The following TARBP2 variants were observed in gnomAD, a reference collection of about 807,000 sequenced individuals.
TARBP2 encodes the protein TARBP2 subunit of RISC loading complex, also known as RISC-loading complex subunit TARBP2.
In TARBP2, 23 loss-of-function variants were observed where a neutral mutation model predicts 40.4. The ratio of observed to expected loss-of-function variants is 0.57; its 90% CI spans 0.41 to 0.81. The LOEUF is 0.81. Among genes scored for constraint, TARBP2 ranks in the 30% least tolerant of loss-of-function variants. The probability of loss-of-function intolerance (pLI) is 0.00; values close to 1 mark genes in which losing one functional copy is unlikely to be tolerated. For missense variants in TARBP2, 358 were observed against 473.7 expected (o/e 0.76, Z 2.27); for synonymous variants, 183 against 190.5 (o/e 0.96, Z 0.32).
chr12:53,504,860 C>T (rs761649957), intron 6 of TARBP2, 45 bp downstream of exon 6: 1 of 1,602,702 alleles, frequency 6.2e-7, no homozygotes, highest in Non-Finnish European at 8.5e-7. Flanking sequence ...TCCCGCAGCA[C>T]TCTGGCCCCA....
intron 6 of TARBP2, 110 bp downstream of exon 6, chr12:53,504,925 A>C: frequency 6.8e-7 from 1 of 1,465,806 alleles, no homozygotes; most frequent in Non-Finnish European, 9.4e-7. Context: ...TCTTAGCTTC[A>C]CAGTCCCTAG....
In TARBP2 at chr12:53,506,118, G is replaced by A; in HGVS notation, c.1071G>A (p.Gln357=). The A allele has an allele frequency of 1.2e-6, 2 of 1,614,006 alleles. No individual in the cohort carries two copies. Among genetic ancestry groups the A allele is most frequent in the Non-Finnish European group, 1.7e-6 (2 of 1,179,994 alleles). The stretch of plus-strand genomic sequence containing the variant: ...GTGAGGCTGCCCGCCGTGCCCTGCA[G>A]TACCTCAAGATCATGGCAGGCAGCA... The part of the protein sequence containing the change: ...ARGEAARRAL[Q]YLKIMAGSK The change falls in exon 9 of 9, where the codon CAG becomes CAA. Residue 357 remains glutamine, a synonymous_variant. Coordinates refer to ENST00000266987, the MANE Select transcript of TARBP2 (RefSeq NM_134323.2).
In TARBP2 at chr12:53,505,617, C is replaced by T; in HGVS notation, c.742-32C>T. 6 of 1,599,314 alleles carry T rather than the reference C, an allele frequency of 3.8e-6. No individual in the cohort carries two copies. The highest frequency in any genetic ancestry group is 5.1e-6 in the Non-Finnish European group (6 of 1,166,842). ...AATGCCTGGGTCCCACAGTCTCTCG[C>T]TTCATCTTTCTCACTGTTCCCATCT... On this transcript the variant is annotated intron_variant, in intron 7 of 8. Transcript: ENST00000266987. The surrounding 1 kb of genome is among the most constrained non-coding windows in gnomAD (Gnocchi z 4.5).
intron 3 of TARBP2, chr12:53,503,371 A>G: frequency 1.2e-6 from 1 of 849,266 alleles, no homozygotes; most frequent in Non-Finnish European, 1.7e-6. Context: ...TGGGTTAGGG[A>G]GGGAGAGGGG....
At position 53,501,629 on chromosome 12, in the gene TARBP2, C is replaced by T. The variant is rs1161790631; in HGVS notation, c.53+168C>T. ...CCGGGGCAGTGGCTGCTGCCTCCAGCTCTAAATAGTTTGGGGTTGGCCCGG... is the reference window on the plus strand; with the variant it reads ...CCGGGGCAGTGGCTGCTGCCTCCAGTTCTAAATAGTTTGGGGTTGGCCCGG... On this transcript the variant is annotated intron_variant, in intron 1 of 8. Transcript: ENST00000266987. The T allele has an allele frequency of 7.5e-6, 11 of 1,458,708 alleles. No individual in the cohort carries two copies. In the East Asian group the frequency reaches 1.0e-4, roughly 13 times the overall value. The allele number at this position is 1,458,708 out of a possible 1,614,324, so 90.4% of individuals were successfully genotyped here.
intron 1 of TARBP2, 62 bp downstream of exon 1, chr12:53,501,523 C>G (rs1243602148): frequency 1.3e-6 from 2 of 1,548,170 alleles, no homozygotes; most frequent in Non-Finnish European, 1.7e-6. Context: ...GAGGGAGTAG[C>G]GGCGCGGCCC....
At chr12:53,501,228 GC>G (rs570698398), upstream of TARBP2, 1 of 653,674 alleles carries the variant, frequency 1.5e-6, no homozygotes, top group South Asian at 1.9e-5. Flanking sequence ...GGGGCGGATA[GC>G]TCCCCTCCAG....
In TARBP2 at chr12:53,506,094, T is replaced by C; in HGVS notation, c.1047T>C (p.Gly349=). Residue 349 remains glycine, a synonymous_variant, in exon 9 of 9, where the codon GGT becomes GGC. Transcript: ENST00000266987. The stretch of plus-strand genomic sequence containing the variant: ...CAACCACCAGGGAGGCAGCCCGTGG[T>C]GAGGCTGCCCGCCGTGCCCTGCAGT... ...GSATTREAAR[G]EAARRALQYL... The C allele has an allele frequency of 6.2e-7, 1 of 1,613,904 alleles. No individual in the cohort carries two copies. The highest frequency in any genetic ancestry group is 8.5e-7 in the Non-Finnish European group (1 of 1,179,988).
At position 53,506,315 on chromosome 12, in the gene TARBP2, C is replaced by A; in HGVS notation, c.*167C>A. ...GCACAGGGCAAGGAGCCAAGGACCACAGAGCCTCAGCCAGCCCAGGATCCG... is the reference window on the plus strand; with the variant it reads ...GCACAGGGCAAGGAGCCAAGGACCAAAGAGCCTCAGCCAGCCCAGGATCCG... On this transcript the variant is annotated 3_prime_UTR_variant, in exon 9 of 9. Transcript: ENST00000266987. 1.2e-6 allele frequency: 1 copy of A among 816,642 alleles called. No individual in the cohort carries two copies. Among genetic ancestry groups the A allele is most frequent in the Non-Finnish European group, 1.9e-6 (1 of 536,606 alleles). 50.6% of individuals were successfully genotyped at this position (816,642 alleles called of 1,614,324 possible).
intron 3 of TARBP2, 61 bp from the exon 4 acceptor site, chr12:53,503,652 C>T: frequency 7.8e-7 from 1 of 1,287,538 alleles, no homozygotes; most frequent in Non-Finnish European, 1.1e-6. Context: ...ACGTGGGTCC[C>T]CCACCCCTCT....
At chr12:53,503,313 G>A in intron 3 of TARBP2, 184 bp downstream of exon 3, 2 of 1,362,462 alleles carry the variant, frequency 1.5e-6, no homozygotes, top group Non-Finnish European at 1.9e-6. Flanking sequence ...TCTTGGGGTG[G>A]AGGGGTTGGT....
chr12:53,503,700 TC>T lies in TARBP2; in HGVS notation c.327-9del. 1 of 1,606,982 alleles carries T rather than the reference TC, an allele frequency of 6.2e-7. No individual in the cohort carries two copies. Among genetic ancestry groups the T allele is most frequent in the Non-Finnish European group, 8.5e-7 (1 of 1,173,482 alleles). On this transcript the variant is annotated splice_polypyrimidine_tract_variant and intron_variant, in intron 3 of 8. Coordinates refer to ENST00000266987, the MANE Select transcript of TARBP2 (RefSeq NM_134323.2). ...CATGGGTGTGAATCAAAGGCCCCCTTCCCCTCGGGAAGTTCTTTTTCTCCCC... is the reference window on the plus strand; with the variant it reads ...CATGGGTGTGAATCAAAGGCCCCCTTCCCTCGGGAAGTTCTTTTTCTCCCC...
In TARBP2 at chr12:53,501,473, C is replaced by A; in HGVS notation, c.53+12C>A. 2 of 1,562,220 alleles carry A rather than the reference C, an allele frequency of 1.3e-6. No homozygotes were observed. On this transcript the variant is annotated intron_variant, in intron 1 of 8. Coordinates refer to ENST00000266987, the MANE Select transcript of TARBP2 (RefSeq NM_134323.2). ...TGCGGGCTGCCTAGGTGAGCCGTCT[C>A]GTACCGATTCCTTCAGGGCGAAAAG...
At position 53,505,131 on chromosome 12, in the gene TARBP2, G is replaced by A. The variant is rs952686907; in HGVS notation, c.614-4G>A. On this transcript the variant is annotated splice_region_variant and splice_polypyrimidine_tract_variant and intron_variant, in intron 6 of 8. Coordinates refer to ENST00000266987, the MANE Select transcript of TARBP2 (RefSeq NM_134323.2). This position sits in a 1 kb window ranked among gnomAD's most constrained non-coding sequence, Gnocchi z 4.5. ...TAACCCAGCAGCCCTCTCTCCACAT[G>A]CAGGGAGTGGCACTTCCAAAAAATT... 1 of 1,601,602 alleles carries A rather than the reference G, an allele frequency of 6.2e-7. No individual in the cohort carries two copies.
rs777419126 is a variant in TARBP2 at position 53,504,504 on chromosome 12, C to T, written c.495+35C>T. On this transcript the variant is annotated intron_variant, in intron 5 of 8. Transcript: ENST00000266987. ...ATCCTCATTTCCCATGCATGCCTGT[C>T]TTCCCTTGAGCCAGGGGCCATGAGG... The T allele has an allele frequency of 5.0e-6, 8 of 1,608,218 alleles. No individual in the cohort carries two copies. The East Asian group carries it at 1.8e-4, about 36-fold the overall frequency.
Position 53,505,571 on chromosome 12 carries a change from T to A in TARBP2, c.742-78T>A. The A allele has an allele frequency of 7.1e-7, 1 of 1,416,010 alleles. No individual in the cohort carries two copies. The allele number at this position is 1,416,010 out of a possible 1,614,324, so 87.7% of individuals were successfully genotyped here. On this transcript the variant is annotated intron_variant, in intron 7 of 8. Coordinates refer to ENST00000266987, the MANE Select transcript of TARBP2 (RefSeq NM_134323.2). The surrounding 1 kb of genome is among the most constrained non-coding windows in gnomAD (Gnocchi z 4.5). Reference sequence around the variant, plus strand: ...AGGAAGCATTCTTTGTGCTTTGTTCTCCTTTGACGTTGAATGTCTCAATGC... The same window carrying A: ...AGGAAGCATTCTTTGTGCTTTGTTCACCTTTGACGTTGAATGTCTCAATGC...
At chr12:53,504,307 G>T in intron 4 of TARBP2, 90 bp from the exon 5 acceptor site, 1 of 1,212,152 alleles carries the variant, frequency 8.2e-7, no homozygotes, top group Middle Eastern at 3.0e-4. Context: ...TGGTAGTCAG[G>T]AATCTAAAGT....
chr12:53,504,818 A>C lies in TARBP2; in HGVS notation c.613+3A>C. On this transcript the variant is annotated splice_donor_region_variant and intron_variant, in intron 6 of 8. Transcript: ENST00000266987. ...AGTGGAGCGTTTCATTGAGATTGGTAACTGGGCAAGAAGGGGTTCTCACAA... is the reference window on the plus strand; with the variant it reads ...AGTGGAGCGTTTCATTGAGATTGGTCACTGGGCAAGAAGGGGTTCTCACAA... The C allele has an allele frequency of 6.2e-7, 1 of 1,613,794 alleles. No homozygotes were observed. Among genetic ancestry groups the C allele is most frequent in the Non-Finnish European group, 8.5e-7 (1 of 1,179,780 alleles).
intron 6 of TARBP2, among the ~76,000 whole-genome samples, 157 bp from the exon 7 acceptor site, chr12:53,504,978 C>T (rs1409148692): frequency 1.3e-5 from 2 of 152,176 alleles, no homozygotes; most frequent in Admixed American, 6.5e-5. Flanking sequence ...TATTTGTCCC[C>T]TTCTCTCTGG....
Sources: allele counts gnomAD v4.1 joint callset (sites outside exome capture counted in the v4.1 genomes callset), GRCh38; gene constraint gnomAD v4.1.1; non-coding constraint Gnocchi (gnomAD v3.1); transcripts MANE v1.5; gene names NCBI Gene and HGNC (gene_info 2026-07-23, HGNC 2026-07-21).